NUP210L: variants seen among roughly 807,000 people sequenced by gnomAD.
NUP210L encodes the protein nuclear pore membrane glycoprotein 210-like.
Under a neutral mutation model 208.5 loss-of-function variants are expected in NUP210L, and 74 were observed. That is an observed-to-expected ratio of 0.35 (90% confidence interval 0.29 to 0.43). The LOEUF (loss-of-function observed/expected upper bound fraction) is 0.43. NUP210L is among the 20% of genes least tolerant of loss of function. The probability of loss-of-function intolerance (pLI) is 1.00; values close to 1 mark genes in which losing one functional copy is unlikely to be tolerated. For synonymous variants in NUP210L, 780 were observed against 816.9 expected (o/e 0.95, Z 0.77); for missense variants, 1,843 against 2,289.4 (o/e 0.81, Z 3.98).
rs1199469386 is a variant in NUP210L, at chr1:154,134,164, T to TA, written c.1009+1649dup. Among the ~76,000 whole-genome samples, 319 of 147,184 alleles carry TA rather than the reference T, an allele frequency of 2.2e-3. 1 individual carries two copies. Among genetic ancestry groups the TA allele is most frequent in the Middle Eastern group, 7.0e-3 (2 of 284 alleles). On this transcript the variant is annotated intron_variant, in intron 7 of 39. Transcript: ENST00000368559. The stretch of plus-strand genomic sequence containing the variant: ...AAACTCCACCTCAAAAAAAAAATAA[T>TA]AATAATAATAATAATATTTTAAGAA...
At chr1:154,102,996 G>T (rs1253751009) in intron 13 of NUP210L, among the ~76,000 whole-genome samples, 1 of 151,622 alleles carries the variant, frequency 6.6e-6, no homozygotes, top group African/African-American at 2.4e-5. Context: ...GTATAGCTTG[G>T]GCCCAGGAGT....
rs375903661 is a variant in NUP210L at position 154,026,150 on chromosome 1, G to A, written c.3948-434C>T. Among the ~76,000 whole-genome samples the A allele has an allele frequency of 2.0e-5, 3 of 152,018 alleles. No homozygotes were observed. In the East Asian group the frequency reaches 5.8e-4, roughly 30 times the overall value. On this transcript the variant is annotated intron_variant, in intron 29 of 39. Coordinates refer to ENST00000368559, the Ensembl canonical transcript of NUP210L. ...CTCGGGAGGCTGAGGCAGGAGAATG[G>A]CTTGAACCTGGGAGGCTGAGGTTGC...
chr1:154,067,724 G>A (rs1654488742), intron 17 of NUP210L, among the ~76,000 whole-genome samples: 1 of 152,192 alleles, frequency 6.6e-6, no homozygotes, highest in Admixed American at 6.5e-5. Context: ...ATCTCCTTAA[G>A]CTGATAAGCA....
rs1659470889 is a variant in NUP210L at position 154,152,882 on chromosome 1, C to T, written c.204-10G>A. ...ATGATGGGTGGAATGCCTGCCAGAACAAAATTCTTAAGAGTGTGAAATAGG... is the reference window on the plus strand; with the variant it reads ...ATGATGGGTGGAATGCCTGCCAGAATAAAATTCTTAAGAGTGTGAAATAGG... On this transcript the variant is annotated splice_polypyrimidine_tract_variant and intron_variant, in intron 1 of 39. Coordinates refer to ENST00000368559, the Ensembl canonical transcript of NUP210L. The T allele has an allele frequency of 6.2e-7, 1 of 1,613,496 alleles. No homozygotes were observed.
intron 1 of NUP210L, 149 bp downstream of exon 1, chr1:154,154,693 T>C (rs1659604598): frequency 1.5e-6 from 1 of 654,208 alleles, no homozygotes; most frequent in Non-Finnish European, 2.7e-6. Flanking sequence ...CCTCGCCACC[T>C]TCACTGACAC....
At chr1:154,043,023 T>C (rs920396192) in intron 27 of NUP210L, among the ~76,000 whole-genome samples, 1 of 28,498 alleles carries the variant, frequency 3.5e-5, no homozygotes, top group African/African-American at 2.0e-4. Flanking sequence ...ATTAAGACCT[T>C]TTTTTTTTTT....
intron 2 of NUP210L, among the ~76,000 whole-genome samples, chr1:154,144,237 G>A (rs150634106): frequency 4.6e-5 from 7 of 152,024 alleles, no homozygotes; most frequent in African/African-American, 1.4e-4. Context: ...AGTTGTAGTC[G>A]TATTAAAGGA....
chr1:154,009,204 C>A (rs1489912833), intron 35 of NUP210L, among the ~76,000 whole-genome samples: 3 of 152,100 alleles, frequency 2.0e-5, no homozygotes, highest in African/African-American at 7.2e-5. Context: ...AGCCACTGCG[C>A]CTGGCCCTAT....
At chr1:154,148,391 G>C (rs937816705) in intron 2 of NUP210L, among the ~76,000 whole-genome samples, 3 of 152,172 alleles carry the variant, frequency 2.0e-5, no homozygotes, top group Non-Finnish European at 2.9e-5. Context: ...GTTAGGGTGG[G>C]CAGATCACTT....
rs755659414 is a variant in NUP210L, at chr1:154,046,301, G to A, written c.3552C>T (p.Ile1184=). The A allele has an allele frequency of 7.4e-6, 12 of 1,614,142 alleles. No homozygotes were observed. The Admixed American group carries it at 2.0e-4, about 27-fold the overall frequency. ...CCATCATACTGACCTTGGTAGCTGT[G>A]ATGAGCCGAGTTGCAGCTGCAAGGA... Residue 1184 remains isoleucine (I), a synonymous_variant, in exon 26 of 40, where the codon ATC becomes ATT. Transcript: ENST00000368559.
chr1:154,139,701 A>C, intron 5 of NUP210L, 101 bp downstream of exon 5: 2 of 878,228 alleles, frequency 2.3e-6, no homozygotes, highest in Non-Finnish European at 3.5e-6. Flanking sequence ...AAAAAAAAAA[A>C]AACAGGGCGG....
At chr1:154,013,911 C>A (rs1293415658) in intron 33 of NUP210L, among the ~76,000 whole-genome samples, 1 of 151,962 alleles carries the variant, frequency 6.6e-6, no homozygotes, top group Non-Finnish European at 1.5e-5. Context: ...ATTACAGGCA[C>A]GTGCCACCAT....
chr1:154,024,168 G>A (rs1293972923), intron 30 of NUP210L, among the ~76,000 whole-genome samples: 1 of 152,218 alleles, frequency 6.6e-6, no homozygotes, highest in Non-Finnish European at 1.5e-5. Context: ...TCCATTTCAT[G>A]CAGAGTGCTC....
chr1:153,996,301 AAAAC>A (rs879462992), intron 37 of NUP210L, among the ~76,000 whole-genome samples: 36 of 152,194 alleles, frequency 2.4e-4, no homozygotes, highest in Admixed American at 8.5e-4. Flanking sequence ...CAAACAAAAC[AAAAC>A]AAACAAAAAC....
intron 33 of NUP210L, among the ~76,000 whole-genome samples, chr1:154,017,222 A>AGTGAGCC (rs1651303446): frequency 6.6e-6 from 1 of 151,384 alleles, no homozygotes; most frequent in African/African-American, 2.4e-5. Context: ...CAGATGTTGC[A>AGTGAGCC]GTGAGCCAAG....
intron 22 of NUP210L, 100 bp from the exon 23 acceptor site, chr1:154,057,047 C>T: frequency 1.8e-6 from 2 of 1,120,662 alleles, no homozygotes; most frequent in Non-Finnish European, 2.6e-6. Flanking sequence ...GGCATGATCT[C>T]AGCTCATTGC....
rs566621060 is a variant in NUP210L, at chr1:154,060,480, A to G, written c.2850+60T>C. ...TTAGACACAAAATGGAATTTTTCCA[A>G]TCTCCTCAGAATGAGCTTTGGCCTG... On this transcript the variant is annotated intron_variant, in intron 20 of 39. Coordinates refer to ENST00000368559, the Ensembl canonical transcript of NUP210L. The G allele has an allele frequency of 1.4e-4, 146 of 1,030,474 alleles. 1 individual carries two copies. The highest frequency in any genetic ancestry group is 2.0e-4 in the Non-Finnish European group (135 of 686,190). The allele number at this position is 1,030,474 out of a possible 1,614,324, so 63.8% of individuals were successfully genotyped here.
intron 33 of NUP210L, among the ~76,000 whole-genome samples, chr1:154,013,299 T>C (rs1651052273): frequency 6.6e-6 from 1 of 151,824 alleles, no homozygotes; most frequent in East Asian, 2.0e-4. Flanking sequence ...TGAGGCCAGG[T>C]GCGGTGGCTC....
chr1:154,057,722 G>GTA (rs1653943176), intron 22 of NUP210L, among the ~76,000 whole-genome samples: 2 of 151,038 alleles, frequency 1.3e-5, no homozygotes, highest in African/African-American at 4.9e-5. Flanking sequence ...GTGTGTGTGT[G>GTA]TGTGTGTGTG....
Sources: gnomAD v4.1 joint callset for allele counts (sites outside exome capture counted in the v4.1 genomes callset) on GRCh38, gnomAD v4.1.1 for gene constraint, MANE v1.5 for transcripts, NCBI Gene and HGNC (gene_info 2026-07-23, HGNC 2026-07-21) for gene names.